Variants in DLG2 observed in about 807,000 individuals in gnomAD.
DLG2 encodes discs large MAGUK scaffold protein 2.
A neutral mutation model predicts 132.5 loss-of-function variants in DLG2; 45 were observed. That is an observed-to-expected ratio of 0.34 (90% CI 0.27 to 0.44). The LOEUF is 0.44. DLG2 is among the 20% of genes least tolerant of loss of function. The pLI, the probability that DLG2 is intolerant of heterozygous loss-of-function variation, is 1.00. For missense variants in DLG2, 1,045 were observed against 1,196.9 expected, an observed-to-expected ratio of 0.87 and a Z score of 1.87; for synonymous variants, 424 against 419.6, an observed-to-expected ratio of 1.01 and a Z score of -0.13.
intron 3 of DLG2, among the ~76,000 whole-genome samples, chr11:85,401,403 G>C (rs2088090140): frequency 6.6e-6 from 1 of 152,090 alleles, no homozygotes; most frequent in Non-Finnish European, 1.5e-5. Context: ...CCAAAAGCTG[G>C]AAGAATTCCA....
At chr11:84,288,174 C>T (rs1347195675) in intron 7 of DLG2, among the ~76,000 whole-genome samples, 1 of 151,746 alleles carries the variant, frequency 6.6e-6, no homozygotes, top group African/African-American at 2.4e-5. Context: ...TTAATATCAC[C>T]AAGCTTTAGT....
intron 18 of DLG2, among the ~76,000 whole-genome samples, chr11:83,661,639 C>T (rs1218497565): frequency 2.6e-5 from 4 of 152,012 alleles, no homozygotes; most frequent in African/African-American, 7.2e-5. Flanking sequence ...ATTTGTATGA[C>T]TCCAAAGCTC....
At chr11:84,550,843 G>A (rs990480898) in intron 6 of DLG2, among the ~76,000 whole-genome samples, 2 of 152,148 alleles carry the variant, frequency 1.3e-5, no homozygotes, top group Non-Finnish European at 2.9e-5. Flanking sequence ...GCAAAAATCT[G>A]TGACTCTGTC....
intron 9 of DLG2, among the ~76,000 whole-genome samples, chr11:84,126,880 T>G (rs1046099045): frequency 6.6e-6 from 1 of 152,206 alleles, no homozygotes; most frequent in African/African-American, 2.4e-5. Flanking sequence ...TACAATTCCT[T>G]GTACAATGTT....
chr11:84,386,250 T>A (rs767675774), intron 7 of DLG2, among the ~76,000 whole-genome samples: 1 of 152,104 alleles, frequency 6.6e-6, no homozygotes, highest in Non-Finnish European at 1.5e-5. Context: ...TACCTCTAAT[T>A]TTTTATTTGT....
At chr11:85,022,290 A>C (rs932990651) in intron 6 of DLG2, among the ~76,000 whole-genome samples, 2 of 146,746 alleles carry the variant, frequency 1.4e-5, no homozygotes, top group Non-Finnish European at 3.0e-5. Context: ...TACTTAGAGC[A>C]CAAAAAACTG....
intron 6 of DLG2, among the ~76,000 whole-genome samples, chr11:84,957,615 T>A (rs1203738731): frequency 4.6e-5 from 7 of 152,186 alleles, no homozygotes; most frequent in Non-Finnish European, 2.9e-5. Flanking sequence ...TCCTCTGTAC[T>A]CTCGAAGTGT....
At chr11:85,559,331 A>C (rs2077098337) in intron 3 of DLG2, among the ~76,000 whole-genome samples, 2 of 150,938 alleles carry the variant, frequency 1.3e-5, no homozygotes, top group Admixed American at 6.6e-5. Flanking sequence ...TTATATTTTT[A>C]ATAGATACAG....
At chr11:85,012,440 C>G (rs1409667870) in intron 6 of DLG2, among the ~76,000 whole-genome samples, 2 of 151,738 alleles carry the variant, frequency 1.3e-5, no homozygotes, top group South Asian at 2.1e-4. Flanking sequence ...AGGAGAATCG[C>G]TTGAACCTGG....
At chr11:85,236,309 C>A (rs2075584109) in intron 4 of DLG2, among the ~76,000 whole-genome samples, 1 of 152,006 alleles carries the variant, frequency 6.6e-6, no homozygotes, top group African/African-American at 2.4e-5. Context: ...GTAGCTTAAA[C>A]AACAGAAATT....
intron 6 of DLG2, among the ~76,000 whole-genome samples, chr11:84,644,963 A>G (rs759649549): frequency 3.9e-5 from 6 of 152,216 alleles, no homozygotes; most frequent in Admixed American, 2.0e-4. Context: ...TCTCATTTAT[A>G]GAAAATTCAT....
At chr11:85,266,954 C>T (rs2077249882) in intron 4 of DLG2, among the ~76,000 whole-genome samples, 1 of 152,134 alleles carries the variant, frequency 6.6e-6, no homozygotes, top group African/African-American at 2.4e-5. Flanking sequence ...TTCAGGATAT[C>T]CTTTGGTAGT....
intron 6 of DLG2, among the ~76,000 whole-genome samples, chr11:85,083,569 C>T (rs2154172824): frequency 6.6e-6 from 1 of 152,238 alleles, no homozygotes; most frequent in East Asian, 1.9e-4. Context: ...TTAATCAATA[C>T]ATGTAGGATG....
intron 6 of DLG2, among the ~76,000 whole-genome samples, chr11:84,601,542 C>T (rs909644530): frequency 6.6e-6 from 1 of 151,878 alleles, no homozygotes; most frequent in Admixed American, 6.6e-5. Context: ...CAGTGAGAAA[C>T]TGGAAATTAC....
At chr11:83,654,832 A>T (rs1401472843) in intron 18 of DLG2, among the ~76,000 whole-genome samples, 1 of 152,260 alleles carries the variant, frequency 6.6e-6, no homozygotes, top group African/African-American at 2.4e-5. Context: ...ATTCATTAGA[A>T]GATAAGACCT....
chr11:84,860,030 G>A lies in DLG2; in HGVS notation c.357+251631C>T, dbSNP rs1307486939. ...GCATTGTAATCTTAACAGGCTGGTA[G>A]CCCTTCAGCAGCAGAAACTGATTAT... is the stretch of plus-strand genomic sequence containing the variant. On this transcript the variant is annotated intron_variant, in intron 6 of 27. Transcript: ENST00000376104. 1.3e-5 allele frequency among the ~76,000 whole-genome samples: 2 copies of A among 152,104 alleles called. 1 individual carries two copies. Among genetic ancestry groups the A allele is most frequent in the South Asian group, 4.1e-4 (2 of 4,832 alleles).
intron 3 of DLG2, among the ~76,000 whole-genome samples, chr11:85,589,166 C>T (rs2079149490): frequency 1.3e-5 from 2 of 152,232 alleles, no homozygotes; most frequent in African/African-American, 2.4e-5. Context: ...AGCAGTGACA[C>T]TGTCACGTGG....
At chr11:84,019,998 C>T (rs1433385720) in intron 11 of DLG2, among the ~76,000 whole-genome samples, 1 of 152,052 alleles carries the variant, frequency 6.6e-6, no homozygotes, top group Non-Finnish European at 1.5e-5. Context: ...AAGAAGATGG[C>T]AGATTCTGGA....
chr11:84,875,436 G>C (rs2086189544), intron 6 of DLG2, among the ~76,000 whole-genome samples: 2 of 151,590 alleles, frequency 1.3e-5, no homozygotes, highest in African/African-American at 2.4e-5. Context: ...ACATGGACAT[G>C]ACTAAACAGC....
Sources: allele counts gnomAD v4.1 joint callset (sites outside exome capture counted in the v4.1 genomes callset), GRCh38; gene constraint gnomAD v4.1.1; transcripts MANE v1.5; gene names NCBI Gene and HGNC (gene_info 2026-07-23, HGNC 2026-07-21).